The following CARD6 variants were observed in gnomAD, a reference collection of about 807,000 sequenced individuals.
CARD6 encodes caspase recruitment domain-containing protein 6.
In CARD6, 27 loss-of-function variants were observed where a neutral mutation model predicts 23.6. That is an observed-to-expected ratio of 1.14 (90% CI 0.84 to 1.58). The LOEUF is 1.58. Among genes scored for constraint, CARD6 ranks in the 40% most tolerant of loss-of-function variants. The pLI is 0.00. For missense variants in CARD6, 1,214 were observed against 1,209.9 expected (o/e 1.00, Z -0.05); for synonymous variants, 397 against 431.8 (o/e 0.92, Z 1.00).
At position 40,841,563 on chromosome 5, in the gene CARD6, T is replaced by C; in HGVS notation, c.181T>C (p.Leu61=). Residue 61 remains leucine, a synonymous_variant, in exon 1 of 3, where the codon TTA becomes CTA. Coordinates refer to ENST00000254691, the MANE Select transcript of CARD6 (RefSeq NM_032587.4). ...TDLLKKSRKL[L]ILVQKKGEAT... Reference sequence around the variant, plus strand: ...TCTCCTGAAGAAAAGTCGGAAGCTGTTAATTTTGGTACAGAAAAAGGGAGA... The same window carrying C: ...TCTCCTGAAGAAAAGTCGGAAGCTGCTAATTTTGGTACAGAAAAAGGGAGA... 6.2e-7 allele frequency: 1 copy of C among 1,614,126 alleles called. No homozygotes were observed. Among genetic ancestry groups the C allele is most frequent in the Non-Finnish European group, 8.5e-7 (1 of 1,180,002 alleles).
chr5:40,843,041 A>T lies in CARD6; in HGVS notation c.284-111A>T, dbSNP rs1561212613. 12 of 739,474 alleles carry T rather than the reference A, an allele frequency of 1.6e-5. No individual in the cohort carries two copies. In the East Asian group the frequency reaches 1.6e-4, roughly 10 times the overall value. 45.8% of individuals were successfully genotyped at this position (739,474 alleles called of 1,614,324 possible). A position where few individuals can be genotyped will look rare whatever the true frequency, so the allele number is the denominator to read the frequency against. On this transcript the variant is annotated intron_variant, in intron 1 of 2. Coordinates refer to ENST00000254691, the MANE Select transcript of CARD6 (RefSeq NM_032587.4). Reference sequence around the variant, plus strand: ...CAACAAGAGTGAAACTCTGTCTCAAAAAATAAATAAATAAATAAAAGGAGA... The same window carrying T: ...CAACAAGAGTGAAACTCTGTCTCAATAAATAAATAAATAAATAAAAGGAGA...
At chr5:40,849,611 C>CT (rs1579803758) in intron 2 of CARD6, among the ~76,000 whole-genome samples, 1 of 152,136 alleles carries the variant, frequency 6.6e-6, no homozygotes, top group East Asian at 1.9e-4. Context: ...TTTACACTAG[C>CT]TGGCCGTCTG....
At position 40,841,548 on chromosome 5, in the gene CARD6, A is replaced by G. The variant is rs745311384; in HGVS notation, c.166A>G (p.Lys56Glu). Reference protein sequence around the residue: ...TLENVTDLLKKSRKLLILVQK... With the variant: ...TLENVTDLLKESRKLLILVQK... ...GGAGAATGTTACAGATCTCCTGAAG[A>G]AAAGTCGGAAGCTGTTAATTTTGGT... is the stretch of plus-strand genomic sequence containing the variant. Residue 56 changes from lysine (K) to glutamate (E), a missense_variant, in exon 1 of 3, where the codon AAA becomes GAA. Lys to Glu is a moderately conservative substitution (Grantham distance 56). Transcript: ENST00000254691. 14 of 1,614,176 alleles carry G rather than the reference A, an allele frequency of 8.7e-6. No homozygotes were observed. The highest frequency in any genetic ancestry group is 1.3e-5 in the African/African-American group (1 of 75,050).
At position 40,853,475 on chromosome 5, in the gene CARD6, C is replaced by A; in HGVS notation, c.2143C>A (p.Leu715Ile). 1.9e-6 allele frequency: 3 copies of A among 1,614,196 alleles called. No homozygotes were observed. Among genetic ancestry groups the A allele is most frequent in the Non-Finnish European group, 2.5e-6 (3 of 1,180,034 alleles). ...GACTCAATGTGAGCTCAGCCAGAAT[C>A]TTCAGAATCTCTATGGTACCCCAGT... ...PGTQCELSQNLQNLYGTPVFR... is the reference protein window; with the variant it reads ...PGTQCELSQNIQNLYGTPVFR... Residue 715 changes from leucine (L) to isoleucine (I), a missense_variant, in exon 3 of 3, where the codon CTT (leucine) becomes ATT (isoleucine). Transcript: ENST00000254691.
intron 1 of CARD6, among the ~76,000 whole-genome samples, chr5:40,842,281 T>G (rs1745875394): frequency 6.6e-6 from 1 of 152,204 alleles, no homozygotes; most frequent in Non-Finnish European, 1.5e-5. Flanking sequence ...TAGGACTAGG[T>G]CTAGCTCTTT....
At position 40,852,191 on chromosome 5, in the gene CARD6, A is replaced by G; in HGVS notation, c.859A>G (p.Lys287Glu). The change falls in exon 3 of 3, where the codon AAA becomes GAA. Residue 287 changes from lysine to glutamate, a missense_variant. Transcript: ENST00000254691. Reference protein sequence around the residue: ...KSIEERKKVFKDVLLCLNMDR... With the variant: ...KSIEERKKVFEDVLLCLNMDR... ...TCCTACAGAAAGAAAAAAGGTGTTT[A>G]AAGATGTCCTGTTATGTTTGAACAT... 1 of 1,606,306 alleles carries G rather than the reference A, an allele frequency of 6.2e-7. No individual in the cohort carries two copies. Among genetic ancestry groups the G allele is most frequent in the Non-Finnish European group, 8.5e-7 (1 of 1,175,036 alleles).
intron 2 of CARD6, among the ~76,000 whole-genome samples, chr5:40,850,494 T>C (rs1579804458): frequency 6.9e-6 from 1 of 145,530 alleles, no homozygotes; most frequent in African/African-American, 2.6e-5. Context: ...GAGGGTGGAT[T>C]GCCTGAGCTC....
chr5:40,853,561 C>T lies in CARD6; in HGVS notation c.2229C>T (p.Asn743=), dbSNP rs764112238. 54 of 1,614,084 alleles carry T rather than the reference C, an allele frequency of 3.3e-5. No homozygotes were observed. Among genetic ancestry groups the T allele is most frequent in the Non-Finnish European group, 4.2e-5 (50 of 1,180,042 alleles). Residue 743 remains asparagine, a synonymous_variant, in exon 3 of 3, where the codon AAC becomes AAT. Coordinates refer to ENST00000254691, the MANE Select transcript of CARD6 (RefSeq NM_032587.4). ...LFPTRIGGNF[N]HVSLKASWVM... ...CAACCAGAATTGGAGGTAACTTTAA[C>T]CATGTTTCCTTGAAAGCCTCCTGGG...
chr5:40,853,313 T>G lies in CARD6; in HGVS notation c.1981T>G (p.Phe661Val). 7 of 1,614,166 alleles carry G rather than the reference T, an allele frequency of 4.3e-6. No homozygotes were observed. Among genetic ancestry groups the G allele is most frequent in the Non-Finnish European group, 5.9e-6 (7 of 1,180,012 alleles). ...GCTGGGGATTCAGGTAGATGAAGACTTTGAAAACACTCAGAGAATTCAAGT... is the reference window on the plus strand; with the variant it reads ...GCTGGGGATTCAGGTAGATGAAGACGTTGAAAACACTCAGAGAATTCAAGT... ...RELGIQVDED[F>V]ENTQRIQVSS... The change falls in exon 3 of 3, where the codon TTT becomes GTT. Residue 661 changes from phenylalanine to valine, a missense_variant. By Grantham distance (50) the Phe-to-Val change is conservative. Transcript: ENST00000254691.
At chr5:40,844,945 G>A (rs1029885977) in intron 2 of CARD6, among the ~76,000 whole-genome samples, 2 of 145,802 alleles carry the variant, frequency 1.4e-5, no homozygotes, top group South Asian at 4.3e-4. Flanking sequence ...CTTGCTCACT[G>A]TACCCTCCGC....
Position 40,853,591 on chromosome 5 carries a change from G to C in CARD6, c.2259G>C (p.Met753Ile), listed in dbSNP as rs767718486. The change falls in exon 3 of 3, where the codon ATG (methionine) becomes ATC (isoleucine). Residue 753 changes from methionine (M) to isoleucine (I), a missense_variant. Met to Ile is a conservative substitution (Grantham distance 10). Transcript: ENST00000254691. ...NHVSLKASWV[M>I]GRPFGSEQRP... ...TTTCCTTGAAAGCCTCCTGGGTTAT[G>C]GGCCGCCCCTTTGGGTCAGAGCAGA... 25 of 1,614,100 alleles carry C rather than the reference G, an allele frequency of 1.5e-5. No individual in the cohort carries two copies. Among genetic ancestry groups the C allele is most frequent in the Admixed American group, 1.0e-4 (6 of 60,004 alleles).
rs746172880 is a variant in CARD6, at chr5:40,854,015, C to T, written c.2683C>T (p.His895Tyr). The T allele has an allele frequency of 1.8e-5, 29 of 1,614,046 alleles. No individual in the cohort carries two copies. The Admixed American group carries it at 4.3e-4, about 24-fold the overall frequency. ...AAGAACATCCCATATTGGAAAGCCT[C>T]ACCCTCAGTCCTTTCAACCAGCAGC... ...LIRTSHIGKP[H>Y]PQSFQPAAAT... The change falls in exon 3 of 3, where the codon CAC (histidine) becomes TAC (tyrosine). Residue 895 changes from histidine (H) to tyrosine (Y), a missense_variant. His to Tyr is a moderately conservative substitution (Grantham distance 83). Coordinates refer to ENST00000254691, the MANE Select transcript of CARD6 (RefSeq NM_032587.4).
At chr5:40,851,176 A>G (rs1311195854) in intron 2 of CARD6, among the ~76,000 whole-genome samples, 1 of 151,956 alleles carries the variant, frequency 6.6e-6, no homozygotes, top group Non-Finnish European at 1.5e-5. Flanking sequence ...CTACAAATAC[A>G]AAAATTAGCT....
In CARD6 at chr5:40,852,568, A is replaced by G. The variant is rs1746087614; in HGVS notation, c.1236A>G (p.Ala412=). Residue 412 remains alanine, a synonymous_variant, in exon 3 of 3, where the codon GCA becomes GCG. Transcript: ENST00000254691. Reference sequence around the variant, plus strand: ...CTCTTCCCCTGCTACTGCCAGATGCAGAAAACAACAAAAGCATCTTAATGC... The same window carrying G: ...CTCTTCCCCTGCTACTGCCAGATGCGGAAAACAACAAAAGCATCTTAATGC... ...QFALPLLLPD[A]ENNKSILMLG... The G allele has an allele frequency of 6.2e-7, 1 of 1,614,112 alleles. No individual in the cohort carries two copies. The highest frequency in any genetic ancestry group is 8.5e-7 in the Non-Finnish European group (1 of 1,180,044).
At chr5:40,847,649 A>G (rs974422386) in intron 2 of CARD6, among the ~76,000 whole-genome samples, 12 of 152,252 alleles carry the variant, frequency 7.9e-5, no homozygotes, top group African/African-American at 2.9e-4. Flanking sequence ...TATGGATGCC[A>G]TTCCTCTGTC....
intron 2 of CARD6, among the ~76,000 whole-genome samples, chr5:40,847,084 G>A (rs1306683378): frequency 1.3e-5 from 2 of 152,196 alleles, no homozygotes; most frequent in African/African-American, 4.8e-5. Context: ...TAATAATAAT[G>A]TAGTTATGAT....
At chr5:40,851,691 C>T (rs1045739038) in intron 2 of CARD6, among the ~76,000 whole-genome samples, 2 of 151,866 alleles carry the variant, frequency 1.3e-5, no homozygotes, top group African/African-American at 4.8e-5. Context: ...TGGCATACAC[C>T]TGTAGTCCCA....
Position 40,853,159 on chromosome 5 carries a change from T to C in CARD6, c.1827T>C (p.Phe609=), listed in dbSNP as rs554757172. The change falls in exon 3 of 3, where the codon TTT becomes TTC. Residue 609 remains phenylalanine (F), a synonymous_variant. Coordinates refer to ENST00000254691, the MANE Select transcript of CARD6 (RefSeq NM_032587.4). ...ILNLKPAQLL[F]WERGDAGDRR... ...ACTTGAAGCCAGCACAGCTACTGTT[T>C]TGGGAGAGGGGAGATGCTGGGGATA... is the stretch of plus-strand genomic sequence containing the variant. The C allele has an allele frequency of 6.2e-7, 1 of 1,614,128 alleles. No individual in the cohort carries two copies. Among genetic ancestry groups the C allele is most frequent in the Non-Finnish European group, 8.5e-7 (1 of 1,180,004 alleles).
rs993997332 is a variant in CARD6 at position 40,852,222 on chromosome 5, G to C, written c.890G>C (p.Arg297Thr). Residue 297 changes from arginine to threonine, a missense_variant, in exon 3 of 3, where the codon AGA becomes ACA. Arg to Thr is a moderately conservative substitution (Grantham distance 71). Coordinates refer to ENST00000254691, the MANE Select transcript of CARD6 (RefSeq NM_032587.4). ...GTCCTGTTATGTTTGAACATGGATA[G>C]AAGCAGAAAGGTTCTGCCAGATTTT... is the stretch of plus-strand genomic sequence containing the variant. ...KDVLLCLNMD[R>T]SRKVLPDFVK... 1 of 1,614,018 alleles carries C rather than the reference G, an allele frequency of 6.2e-7. No homozygotes were observed. Among genetic ancestry groups the C allele is most frequent in the Non-Finnish European group, 8.5e-7 (1 of 1,179,904 alleles).
Sources: gnomAD v4.1 joint callset for allele counts (sites outside exome capture counted in the v4.1 genomes callset) on GRCh38, gnomAD v4.1.1 for gene constraint, MANE v1.5 for transcripts, NCBI Gene and HGNC (gene_info 2026-07-23, HGNC 2026-07-21) for gene names.